BCL2L13: variants seen among roughly 807,000 people sequenced by gnomAD.
The protein encoded by BCL2L13 is bcl-2-like protein 13.
BCL2L13 carries 13 observed loss-of-function variants against 25.8 expected under a neutral mutation model. The ratio of observed to expected loss-of-function variants is 0.50; its 90% CI spans 0.33 to 0.80. The LOEUF (loss-of-function observed/expected upper bound fraction) is 0.80. BCL2L13 is among the 30% of genes least tolerant of loss of function. The pLI is 0.02. For missense variants in BCL2L13, 504 were observed against 574.9 expected (o/e 0.88, Z 1.26); for synonymous variants, 244 against 230.3 (o/e 1.06, Z -0.54).
intron 3 of BCL2L13, among the ~76,000 whole-genome samples, chr22:17,685,675 G>A (rs894088318): frequency 3.5e-5 from 5 of 141,864 alleles, no homozygotes; most frequent in African/African-American, 1.3e-4. Flanking sequence ...GTTTCTACTT[G>A]TTTACTATTA....
In BCL2L13 at chr22:17,706,854, G is replaced by T. The variant is rs572275092; in HGVS notation, c.600+4468G>T. The T allele has an allele frequency of 6.7e-6, 9 of 1,348,138 alleles. No homozygotes were observed. In the African/African-American group the frequency reaches 1.3e-4, roughly 20 times the overall value. 83.5% of individuals were successfully genotyped at this position (1,348,138 alleles called of 1,614,324 possible). On this transcript the variant is annotated intron_variant, in intron 6 of 6. Coordinates refer to ENST00000317582, the MANE Select transcript of BCL2L13 (RefSeq NM_015367.4). ...AGGCTTGTATTTTACTTTCTCCGTCGTCACATGATAAATACTTCTTGTGAA... is the reference window on the plus strand; with the variant it reads ...AGGCTTGTATTTTACTTTCTCCGTCTTCACATGATAAATACTTCTTGTGAA...
intron 4 of BCL2L13, among the ~76,000 whole-genome samples, chr22:17,694,894 T>A (rs2060217589): frequency 6.6e-6 from 1 of 152,242 alleles, no homozygotes; most frequent in South Asian, 2.1e-4. Flanking sequence ...CAGAGAGATC[T>A]GAGTTCAAAT....
In BCL2L13 at chr22:17,640,303, T is replaced by G. The variant is rs1325315776; in HGVS notation, c.-51+1417T>G. Among the ~76,000 whole-genome samples, 5 of 152,224 alleles carry G rather than the reference T, an allele frequency of 3.3e-5. No homozygotes were observed. In the East Asian group the frequency reaches 9.6e-4, roughly 29 times the overall value. ...TTTACTAGGAATGGTCAGGTACTGTTCTGTATTTTTTTTCCAATGGCTCAT... is the reference window on the plus strand; with the variant it reads ...TTTACTAGGAATGGTCAGGTACTGTGCTGTATTTTTTTTCCAATGGCTCAT... On this transcript the variant is annotated intron_variant, in intron 1 of 6. Coordinates refer to ENST00000317582, the MANE Select transcript of BCL2L13 (RefSeq NM_015367.4).
intron 1 of BCL2L13, among the ~76,000 whole-genome samples, chr22:17,654,006 T>G: frequency 6.6e-6 from 1 of 152,154 alleles, no homozygotes; most frequent in South Asian, 2.1e-4. Context: ...TGATTTATCA[T>G]GTTTGTCTTC....
chr22:17,636,810 A>AAAAT (rs912007674), upstream of BCL2L13, among the ~76,000 whole-genome samples: 10 of 152,080 alleles, frequency 6.6e-5, no homozygotes, highest in East Asian at 1.9e-4. Context: ...ATAATAATAA[A>AAAAT]AAATAAATAA....
At chr22:17,718,224 G>GGAA (rs2061002082) in intron 6 of BCL2L13, among the ~76,000 whole-genome samples, 1 of 152,044 alleles carries the variant, frequency 6.6e-6, no homozygotes, top group Admixed American at 6.6e-5. Flanking sequence ...TTGATGGAAG[G>GGAA]GAAGAGATGT....
chr22:17,719,528 T>C (rs1299413100), intron 6 of BCL2L13, among the ~76,000 whole-genome samples: 1 of 152,130 alleles, frequency 6.6e-6, no homozygotes, highest in African/African-American at 2.4e-5. Context: ...AGCTAATTAA[T>C]AAGTAAAATG....
At chr22:17,710,456 T>C (rs2060719292) in intron 6 of BCL2L13, among the ~76,000 whole-genome samples, 1 of 151,838 alleles carries the variant, frequency 6.6e-6, no homozygotes, top group South Asian at 2.1e-4. Flanking sequence ...GGCGCACACC[T>C]GTAATCTTAG....
intron 3 of BCL2L13, among the ~76,000 whole-genome samples, chr22:17,685,015 A>G (rs58484680): frequency 0.067 from 10,215 of 151,624 alleles, 406 homozygotes; most frequent in African/African-American, 0.085. Flanking sequence ...GATTACAGGC[A>G]TGAGCCACCA....
intron 4 of BCL2L13, among the ~76,000 whole-genome samples, chr22:17,691,765 A>G (rs58162787): frequency 0.015 from 2,246 of 152,294 alleles, 56 homozygotes; most frequent in African/African-American, 0.051. Context: ...GGTGTAGTAT[A>G]AGCTCTTCAA....
chr22:17,713,456 A>G (rs982985783), intron 6 of BCL2L13, among the ~76,000 whole-genome samples: 6 of 131,358 alleles, frequency 4.6e-5, no homozygotes, highest in Non-Finnish European at 6.2e-5. Flanking sequence ...TAAGTTGAAA[A>G]TGCATTTTTT....
intron 6 of BCL2L13, among the ~76,000 whole-genome samples, chr22:17,710,984 G>A (rs553755363): frequency 1.1e-3 from 174 of 152,292 alleles, no homozygotes; most frequent in African/African-American, 3.9e-3. Flanking sequence ...TGTCTTAGAT[G>A]AGATGAAAAG....
chr22:17,647,908 C>T (rs758287520), intron 1 of BCL2L13, among the ~76,000 whole-genome samples: 111 of 152,200 alleles, frequency 7.3e-4, no homozygotes, highest in Middle Eastern at 6.8e-3. Context: ...GTGGGCGGAT[C>T]GGGAGATAAG....
At chr22:17,714,867 G>A (rs1434142047) in intron 6 of BCL2L13, among the ~76,000 whole-genome samples, 2 of 151,742 alleles carry the variant, frequency 1.3e-5, no homozygotes, top group Admixed American at 6.6e-5. Context: ...CATAAAGAGT[G>A]TTCTGGCCGG....
chr22:17,638,973 G>A, intron 1 of BCL2L13, 87 bp downstream of exon 1: 1 of 1,070,896 alleles, frequency 9.3e-7, no homozygotes, highest in Non-Finnish European at 1.2e-6. Flanking sequence ...ACCGTATCGA[G>A]CCACCGACTC....
intron 3 of BCL2L13, chr22:17,684,739 A>AT (rs754796363): frequency 0.15 from 47,306 of 319,570 alleles, 1,596 homozygotes; most frequent in Non-Finnish European, 0.19. Flanking sequence ...AATTTTTTGT[A>AT]TTTTTTTTTT....
intron 2 of BCL2L13, among the ~76,000 whole-genome samples, chr22:17,677,601 C>A (rs1166545492): frequency 3.9e-5 from 6 of 152,038 alleles, no homozygotes; most frequent in Non-Finnish European, 8.8e-5. Flanking sequence ...CAGCTGGGCG[C>A]GGTGGCTCAC....
At position 17,631,685 on chromosome 22, in the gene BCL2L13, TATATATATATATATATATATA is replaced by T. The variant is rs1321959248; in HGVS notation, c.-650+2681_-650+2701del. Among the ~76,000 whole-genome samples the T allele has an allele frequency of 8.7e-4, 35 of 40,222 alleles. No individual in the cohort carries two copies. In the South Asian group the frequency reaches 0.02, roughly 23 times the overall value. 26.4% of individuals were successfully genotyped at this position (40,222 alleles called of 152,430 possible). A position where few individuals can be genotyped will look rare whatever the true frequency, so the allele number is the denominator to read the frequency against. Reference sequence around the variant, plus strand: ...GTGTGTGTGTGTATATATATATATATATATATATATATATATATATATTTTTTTTTTTTTTTTTTTTTTTTT... The same window carrying T: ...GTGTGTGTGTGTATATATATATATATTTTTTTTTTTTTTTTTTTTTTTTTT... On this transcript the variant is annotated intron_variant, in intron 1 of 6. Coordinates refer to the BCL2L13 transcript ENST00000399782.
chr22:17,648,511 A>T (rs957123771), intron 1 of BCL2L13, among the ~76,000 whole-genome samples: 1 of 152,018 alleles, frequency 6.6e-6, no homozygotes, highest in Admixed American at 6.6e-5. Context: ...CAGCTGGGGC[A>T]ACATAGTGAG....
Sources: gnomAD v4.1 joint callset for allele counts (sites outside exome capture counted in the v4.1 genomes callset) on GRCh38, gnomAD v4.1.1 for gene constraint, MANE v1.5 for transcripts, NCBI Gene and HGNC (gene_info 2026-07-23, HGNC 2026-07-21) for gene names.